The following SEMA5B variants were observed in gnomAD, a reference collection of about 807,000 sequenced individuals.
SEMA5B encodes semaphorin 5B, also known as semaphorin-5B.
In SEMA5B, 66 loss-of-function variants were observed where a neutral mutation model predicts 135.0. That is an observed-to-expected ratio of 0.49 (90% CI 0.40 to 0.60). The LOEUF (loss-of-function observed/expected upper bound fraction) is 0.60. Among genes scored for constraint, SEMA5B ranks in the 20% least tolerant of loss-of-function variants. The pLI, the probability that SEMA5B is intolerant of heterozygous loss-of-function variation, is 0.00. For synonymous variants in SEMA5B, 690 were observed against 639.5 expected (o/e 1.08, Z -1.19); for missense variants, 1,501 against 1,566.3 (o/e 0.96, Z 0.70).
chr3:122,982,749 C>G (rs1941560975), intron 1 of SEMA5B, among the ~76,000 whole-genome samples: 1 of 152,126 alleles, frequency 6.6e-6, no homozygotes, highest in South Asian at 2.1e-4. Flanking sequence ...GGAAACCACA[C>G]ACTGAATGGA....
At chr3:122,917,619 G>A (rs900483594) in intron 12 of SEMA5B, among the ~76,000 whole-genome samples, 5 of 152,122 alleles carry the variant, frequency 3.3e-5, no homozygotes, top group African/African-American at 4.8e-5. Context: ...TGTCAGCAAA[G>A]GAGGGCAAAG....
chr3:122,976,973 C>T (rs566514278), intron 1 of SEMA5B, among the ~76,000 whole-genome samples: 1 of 152,256 alleles, frequency 6.6e-6, no homozygotes, highest in South Asian at 2.1e-4. Flanking sequence ...TCACTTGAAC[C>T]GGGGAGGTGG....
chr3:123,025,371 C>T (rs1421135919), intron 1 of SEMA5B, among the ~76,000 whole-genome samples: 3 of 152,214 alleles, frequency 2.0e-5, no homozygotes, highest in African/African-American at 7.2e-5. Flanking sequence ...TCTCCCTCCC[C>T]AAACACATAG....
chr3:122,965,717 C>T (rs114605172), intron 1 of SEMA5B, among the ~76,000 whole-genome samples: 21 of 152,348 alleles, frequency 1.4e-4, no homozygotes, highest in African/African-American at 4.6e-4. Flanking sequence ...GTGATACACT[C>T]CCTACCCTAA....
intron 4 of SEMA5B, among the ~76,000 whole-genome samples, chr3:122,939,733 G>T (rs1003929994): frequency 2.6e-5 from 4 of 152,204 alleles, no homozygotes; most frequent in African/African-American, 9.7e-5. Context: ...AAGGAGTTAG[G>T]ATTGAAACCC....
At chr3:122,941,143 A>G (rs1408824079) in intron 4 of SEMA5B, among the ~76,000 whole-genome samples, 1 of 152,174 alleles carries the variant, frequency 6.6e-6, no homozygotes, top group Non-Finnish European at 1.5e-5. Flanking sequence ...TCCAGGGGTC[A>G]AGAAGAAGGG....
intron 1 of SEMA5B, among the ~76,000 whole-genome samples, chr3:122,966,522 T>A (rs1407000599): frequency 6.8e-6 from 1 of 147,442 alleles, no homozygotes; most frequent in East Asian, 2.0e-4. Context: ...GCATGGAAAT[T>A]CATTGTAAGA....
At chr3:122,962,265 T>C (rs185262608) in intron 1 of SEMA5B, among the ~76,000 whole-genome samples, 1 of 152,232 alleles carries the variant, frequency 6.6e-6, no homozygotes, top group African/African-American at 2.4e-5. Context: ...ATTTCTGGCA[T>C]CCAGAGACTC....
At chr3:122,985,438 A>G (rs1160014477) in intron 1 of SEMA5B, among the ~76,000 whole-genome samples, 2 of 152,062 alleles carry the variant, frequency 1.3e-5, no homozygotes, top group Admixed American at 1.3e-4. Flanking sequence ...CAGGAGTTGG[A>G]GACTGCAGTG....
intron 3 of SEMA5B, among the ~76,000 whole-genome samples, chr3:122,945,005 CAG>C (rs111801095): frequency 0.045 from 6,711 of 149,454 alleles, 470 homozygotes; most frequent in African/African-American, 0.15. Context: ...GAGAGAGAGG[CAG>C]AGAGAGAGAG....
In SEMA5B at chr3:122,910,223, T is replaced by C. The variant is rs1208973928; in HGVS notation, c.3376A>G (p.Thr1126Ala). 7.4e-6 allele frequency: 12 copies of C among 1,614,048 alleles called. No homozygotes were observed. Among genetic ancestry groups the C allele is most frequent in the Non-Finnish European group, 8.5e-6 (10 of 1,180,026 alleles). ...TTGTTCAGGGGGCTTGGGTAGTAAGTAGTCGTGTACACATTGGTCTGCTGC... is the reference window on the plus strand; with the variant it reads ...TTGTTCAGGGGGCTTGGGTAGTAAGCAGTCGTGTACACATTGGTCTGCTGC... Reference protein sequence around the residue: ...PLQQTNVYTTTYYPSPLNKHS... With the variant: ...PLQQTNVYTTAYYPSPLNKHS... The change falls in exon 23 of 23, where the codon ACT becomes GCT. Residue 1126 changes from threonine to alanine, a missense_variant. Transcript: ENST00000357599.
intron 1 of SEMA5B, among the ~76,000 whole-genome samples, chr3:122,963,323 C>T (rs1940671828): frequency 6.6e-6 from 1 of 151,822 alleles, no homozygotes; most frequent in Non-Finnish European, 1.5e-5. Context: ...ATGGTGAAAC[C>T]CCATCTCTAC....
chr3:122,912,484 C>G, intron 18 of SEMA5B, 142 bp from the exon 19 acceptor site: 1 of 783,156 alleles, frequency 1.3e-6, no homozygotes, highest in Non-Finnish European at 1.9e-6. Flanking sequence ...CCCAACAGTC[C>G]ACTGTTAGGG....
chr3:122,967,815 C>T (rs948735820), intron 1 of SEMA5B, among the ~76,000 whole-genome samples: 2 of 152,240 alleles, frequency 1.3e-5, no homozygotes, highest in Middle Eastern at 3.2e-3. Flanking sequence ...GGCCCTTAGG[C>T]CCTTTCTGCC....
chr3:122,999,813 CA>C (rs1157115466), intron 1 of SEMA5B, among the ~76,000 whole-genome samples: 2 of 152,190 alleles, frequency 1.3e-5, no homozygotes, highest in African/African-American at 4.8e-5. Context: ...AGAATCTACA[CA>C]GGCTAAAACA....
At chr3:122,971,285 G>A (rs1165151349) in intron 1 of SEMA5B, among the ~76,000 whole-genome samples, 1 of 152,244 alleles carries the variant, frequency 6.6e-6, no homozygotes. Flanking sequence ...CCCAGCACCA[G>A]TCACATAAGA....
chr3:122,961,244 G>A lies in SEMA5B; in HGVS notation c.20C>T (p.Pro7Leu), dbSNP rs745842901. 14 of 1,614,052 alleles carry A rather than the reference G, an allele frequency of 8.7e-6. No individual in the cohort carries two copies. Among genetic ancestry groups the A allele is most frequent in the Admixed American group, 1.7e-5 (1 of 60,022 alleles). MPCGFS[P>L]SPVAHHLVPG... Reference sequence around the variant, plus strand: ...GACGAGGTGGTGGGCAACAGGAGACGGACTGAAGCCACAGGGCATCCAAGA... The same window carrying A: ...GACGAGGTGGTGGGCAACAGGAGACAGACTGAAGCCACAGGGCATCCAAGA... The change falls in exon 2 of 23, where the codon CCG becomes CTG. Residue 7 changes from proline to leucine, a missense_variant. Physicochemically the swap from Pro to Leu is moderately conservative, Grantham distance 98. Coordinates refer to ENST00000357599, the MANE Select transcript of SEMA5B (RefSeq NM_001031702.4).
intron 1 of SEMA5B, chr3:122,993,369 C>T (rs1293236771): frequency 2.0e-5 from 3 of 152,234 alleles, no homozygotes; most frequent in African/African-American, 7.2e-5. Flanking sequence ...AGGGCTGGCT[C>T]CCTCTCCCGT....
intron 2 of SEMA5B, among the ~76,000 whole-genome samples, chr3:122,957,448 A>G (rs943515338): frequency 5.9e-5 from 9 of 152,228 alleles, no homozygotes; most frequent in Admixed American, 2.0e-4. Context: ...GCACCCAGGC[A>G]GGAGCAGCAC....
Sources: allele counts gnomAD v4.1 joint callset (sites outside exome capture counted in the v4.1 genomes callset), GRCh38; gene constraint gnomAD v4.1.1; transcripts MANE v1.5; gene names NCBI Gene and HGNC (gene_info 2026-07-23, HGNC 2026-07-21).